Variants in NCKAP5 observed in about 807,000 individuals in gnomAD.
The protein encoded by NCKAP5 is NCK associated protein 5.
Under a neutral mutation model 167.0 loss-of-function variants are expected in NCKAP5, and 92 were observed. The observed-to-expected ratio is 0.55, with a 90% CI of 0.47 to 0.66. NCKAP5 has a LOEUF of 0.66. Ranked by LOEUF, NCKAP5 falls within the 30% of genes least tolerant of loss-of-function variation. The probability of loss-of-function intolerance (pLI) is 0.00; values close to 1 mark genes in which losing one functional copy is unlikely to be tolerated. For synonymous variants in NCKAP5, 891 were observed against 877.4 expected (o/e 1.02, Z -0.27); for missense variants, 2,378 against 2,315.0 (o/e 1.03, Z -0.56).
chr2:133,184,234 G>A (rs553458734), intron 5 of NCKAP5, among the ~76,000 whole-genome samples: 1 of 152,214 alleles, frequency 6.6e-6, no homozygotes, highest in African/African-American at 2.4e-5. Context: ...TTCTGTTCCT[G>A]TGTTAATTAG....
rs779861354 is a variant in NCKAP5, at chr2:132,783,130, T to C, written c.3681A>G (p.Thr1227=). The C allele has an allele frequency of 1.2e-6, 2 of 1,613,686 alleles. No homozygotes were observed. Among genetic ancestry groups the C allele is most frequent in the Non-Finnish European group, 1.7e-6 (2 of 1,179,780 alleles). ...GSLADGLPLE[T]ALQEPLESSI... is the part of the protein sequence containing the mutation. Reference sequence around the variant, plus strand: ...TACTTTCCAATGGCTCTTGTAGTGCTGTTTCCAGGGGAAGCCCATCAGCTA... The same window carrying C: ...TACTTTCCAATGGCTCTTGTAGTGCCGTTTCCAGGGGAAGCCCATCAGCTA... Residue 1227 remains threonine, a synonymous_variant, in exon 14 of 20, where the codon ACA becomes ACG. Coordinates refer to ENST00000409261, the MANE Select transcript of NCKAP5 (RefSeq NM_207363.3).
intron 2 of NCKAP5, among the ~76,000 whole-genome samples, chr2:133,541,758 A>C (rs1326583750): frequency 6.6e-6 from 1 of 151,230 alleles, no homozygotes; most frequent in Non-Finnish European, 1.5e-5. Context: ...ATATTGACTA[A>C]GAAGTTTATA....
intron 8 of NCKAP5, among the ~76,000 whole-genome samples, chr2:132,903,112 A>G (rs1693752493): frequency 6.6e-6 from 1 of 152,224 alleles, no homozygotes; most frequent in African/African-American, 2.4e-5. Flanking sequence ...GGGATAATGC[A>G]TGGAGAGCAC....
intron 16 of NCKAP5, among the ~76,000 whole-genome samples, chr2:132,762,597 T>C (rs1681100938): frequency 6.6e-6 from 1 of 152,158 alleles, no homozygotes; most frequent in South Asian, 2.1e-4. Context: ...CCCCTTCAGG[T>C]ACCTGGGTTA....
At chr2:132,810,321 T>C (rs904950480) in intron 11 of NCKAP5, among the ~76,000 whole-genome samples, 2 of 152,202 alleles carry the variant, frequency 1.3e-5, no homozygotes, top group Non-Finnish European at 2.9e-5. Flanking sequence ...TTTAGGTCTC[T>C]AGTGAGGCCA....
At chr2:133,455,849 T>C (rs1691822588) in intron 3 of NCKAP5, among the ~76,000 whole-genome samples, 1 of 152,120 alleles carries the variant, frequency 6.6e-6, no homozygotes, top group African/African-American at 2.4e-5. Flanking sequence ...TTCACAAGCA[T>C]TAAGTCTTAT....
At chr2:132,719,266 A>T (rs71413520) in intron 19 of NCKAP5, among the ~76,000 whole-genome samples, 21,723 of 152,086 alleles carry the variant, frequency 0.14, 2,056 homozygotes, top group East Asian at 0.44. Context: ...TAAAAAAAAA[A>T]TTTTAAGTAA....
intron 11 of NCKAP5, among the ~76,000 whole-genome samples, chr2:132,851,731 C>T (rs1310753208): frequency 6.6e-6 from 1 of 152,140 alleles, no homozygotes; most frequent in East Asian, 1.9e-4. Flanking sequence ...TGCAGCCCGA[C>T]AGGTTAAAGA....
At position 132,999,960 on chromosome 2, in the gene NCKAP5, T is replaced by A. The variant is rs201911432; in HGVS notation, c.342-5721A>T. 3.6e-4 allele frequency among the ~76,000 whole-genome samples: 55 copies of A among 152,358 alleles called. No homozygotes were observed. The East Asian group carries it at 0.01, about 28-fold the overall frequency. ...CTGATAACTGATAGGGTTCATTCAA[T>A]TGAAGGCTGAACCAAATTAAATTTT... On this transcript the variant is annotated intron_variant, in intron 6 of 19. Transcript: ENST00000409261.
intron 8 of NCKAP5, among the ~76,000 whole-genome samples, chr2:132,948,802 C>G (rs995809678): frequency 1.3e-5 from 2 of 152,094 alleles, no homozygotes; most frequent in Non-Finnish European, 2.9e-5. Flanking sequence ...CCCCACACCT[C>G]CACTTTGGCA....
At chr2:133,629,837 A>G in the NCKAP5 span, among the ~76,000 whole-genome samples, 2 of 152,230 alleles carry the variant, frequency 1.3e-5, no homozygotes, top group Non-Finnish European at 2.9e-5. Context: ...AGGGACATGG[A>G]TGGAGCTGGA....
At chr2:133,617,441 C>T in the NCKAP5 span, among the ~76,000 whole-genome samples, 9 of 146,978 alleles carry the variant, frequency 6.1e-5, no homozygotes, top group South Asian at 1.8e-3. Context: ...AGCTGATAAG[C>T]AACTTCAGCA....
chr2:133,101,380 A>T (rs1191323176), intron 6 of NCKAP5, among the ~76,000 whole-genome samples: 2 of 139,256 alleles, frequency 1.4e-5, no homozygotes, highest in Non-Finnish European at 3.0e-5. Context: ...TGACTTGGCG[A>T]TGCGGGCTCT....
rs957653120 is a variant in NCKAP5, at chr2:132,914,529, A to G, written c.580-35613T>C. 2.6e-5 allele frequency among the ~76,000 whole-genome samples: 4 copies of G among 152,004 alleles called. No individual in the cohort carries two copies. The East Asian group carries it at 7.7e-4, about 29-fold the overall frequency. On this transcript the variant is annotated intron_variant, in intron 8 of 19. Transcript: ENST00000409261. ...TTGGCCCCCTTTCACAAATAGTCTC[A>G]TGGACTAATACTACCTTTAAAATAC...
At chr2:132,906,836 G>T (rs1296550428) in intron 8 of NCKAP5, among the ~76,000 whole-genome samples, 2 of 152,128 alleles carry the variant, frequency 1.3e-5, no homozygotes, top group Non-Finnish European at 2.9e-5. Context: ...AAAATTGATG[G>T]TCATGGACCT....
At chr2:133,526,494 C>T (rs758517738) in intron 2 of NCKAP5, among the ~76,000 whole-genome samples, 23 of 152,148 alleles carry the variant, frequency 1.5e-4, no homozygotes, top group African/African-American at 2.2e-4. Flanking sequence ...ATTGAGCTAA[C>T]CCTGGAGGAC....
chr2:132,750,695 A>C (rs1468209468), intron 16 of NCKAP5, among the ~76,000 whole-genome samples: 1 of 152,222 alleles, frequency 6.6e-6, no homozygotes, highest in Non-Finnish European at 1.5e-5. Flanking sequence ...GTTTGTGAGC[A>C]GAGTTTCTAG....
intron 3 of NCKAP5, among the ~76,000 whole-genome samples, chr2:133,481,099 A>C (rs1680385059): frequency 6.6e-6 from 1 of 152,230 alleles, no homozygotes; most frequent in Admixed American, 6.5e-5. Flanking sequence ...ACTAATAAAA[A>C]AATCTCACTA....
the NCKAP5 span, among the ~76,000 whole-genome samples, chr2:133,670,065 G>C: frequency 6.6e-6 from 1 of 152,220 alleles, no homozygotes; most frequent in Non-Finnish European, 1.5e-5. Flanking sequence ...TGGAGGTTAA[G>C]AGCTAAAACA....
Sources: allele counts gnomAD v4.1 joint callset (sites outside exome capture counted in the v4.1 genomes callset), GRCh38; gene constraint gnomAD v4.1.1; transcripts MANE v1.5; gene names NCBI Gene and HGNC (gene_info 2026-07-23, HGNC 2026-07-21).